NAV2: variants seen among roughly 807,000 people sequenced by gnomAD.
NAV2 encodes the protein neuron navigator 2, also known as helicase, APC down-regulated 1.
In NAV2, 54 loss-of-function variants were observed where a neutral mutation model predicts 223.2. That is an observed-to-expected ratio of 0.24 (90% confidence interval 0.19 to 0.30). The LOEUF (loss-of-function observed/expected upper bound fraction) is 0.30, where lower values mean the gene tolerates loss of function less well. NAV2 is among the 10% of genes least tolerant of loss of function. The probability of loss-of-function intolerance (pLI) is 1.00; values close to 1 mark genes in which losing one functional copy is unlikely to be tolerated. For synonymous variants in NAV2, 1,279 were observed against 1,239.3 expected, an observed-to-expected ratio of 1.03 and a Z score of -0.67; for missense variants, 2,806 against 3,147.5, an observed-to-expected ratio of 0.89 and a Z score of 2.60.
At chr11:19,422,347 C>T (rs938637823) in intron 1 of NAV2, among the ~76,000 whole-genome samples, 7 of 152,200 alleles carry the variant, frequency 4.6e-5, no homozygotes, top group African/African-American at 7.2e-5. Flanking sequence ...GGCCTTCATG[C>T]GTGATCCCAT....
At chr11:19,401,097 G>A (rs893579775) in intron 1 of NAV2, among the ~76,000 whole-genome samples, 24 of 152,154 alleles carry the variant, frequency 1.6e-4, no homozygotes, top group Non-Finnish European at 1.0e-4. Context: ...ATGGATTTAG[G>A]AAACAATCAA....
intron 11 of NAV2, among the ~76,000 whole-genome samples, chr11:20,002,173 A>G (rs2052614767): frequency 6.6e-6 from 1 of 152,210 alleles, no homozygotes; most frequent in African/African-American, 2.4e-5. Context: ...CTCTGTCTTC[A>G]TGACTAATCA....
At chr11:20,079,838 T>G (rs951597613) in intron 24 of NAV2, among the ~76,000 whole-genome samples, 14 of 152,212 alleles carry the variant, frequency 9.2e-5, no homozygotes, top group Non-Finnish European at 1.8e-4. Context: ...CCTTGACTTC[T>G]GTTTTGTAAA....
chr11:19,966,949 A>C (rs2048817814), intron 10 of NAV2, among the ~76,000 whole-genome samples: 1 of 152,216 alleles, frequency 6.6e-6, no homozygotes. Flanking sequence ...GGGTGATAGT[A>C]GGAGCAGTGC....
intron 1 of NAV2, among the ~76,000 whole-genome samples, chr11:19,646,384 C>A (rs368843629): frequency 2.6e-5 from 4 of 152,230 alleles, no homozygotes; most frequent in African/African-American, 9.7e-5. Context: ...ATATTCTTAA[C>A]TGCACATCAG....
chr11:19,398,080 C>T (rs1208234854), intron 1 of NAV2, among the ~76,000 whole-genome samples: 1 of 152,126 alleles, frequency 6.6e-6, no homozygotes, highest in Non-Finnish European at 1.5e-5. Flanking sequence ...AAAGAAATGC[C>T]TGAGACTGGG....
chr11:19,570,168 CAT>C, intron 1 of NAV2, among the ~76,000 whole-genome samples: 1 of 152,170 alleles, frequency 6.6e-6, no homozygotes, highest in Non-Finnish European at 1.5e-5. Context: ...GAATGATAGG[CAT>C]CTTGGGCTCC....
intron 15 of NAV2, 83 bp downstream of exon 15, chr11:20,049,278 G>A (rs780302087): frequency 4.8e-6 from 5 of 1,039,422 alleles, no homozygotes; most frequent in East Asian, 2.4e-5. Flanking sequence ...CCCAAATGTC[G>A]AATAGCCTTT....
At chr11:19,954,887 A>C (rs60990357) in intron 10 of NAV2, among the ~76,000 whole-genome samples, 136,900 of 150,722 alleles carry the variant, frequency 0.91, 62,269 homozygotes, top group East Asian at 0.98. Flanking sequence ...GTGTGTGTGT[A>C]TGTATGTGTA....
chr11:20,099,108 C>T (rs1326338883), intron 31 of NAV2, among the ~76,000 whole-genome samples: 2 of 152,180 alleles, frequency 1.3e-5, no homozygotes, highest in African/African-American at 4.8e-5. Flanking sequence ...TTTGTCCGAG[C>T]CTGGGCACCA....
chr11:19,407,321 G>A (rs984012589), intron 1 of NAV2, among the ~76,000 whole-genome samples: 1 of 152,162 alleles, frequency 6.6e-6, no homozygotes, highest in African/African-American at 2.4e-5. Flanking sequence ...TGCTGAGAGA[G>A]GCTGACAAGC....
intron 1 of NAV2, among the ~76,000 whole-genome samples, chr11:19,362,098 G>T (rs1590051993): frequency 6.6e-6 from 1 of 152,286 alleles, no homozygotes; most frequent in South Asian, 2.1e-4. Flanking sequence ...GCAGGTGCAG[G>T]TATACACTGT....
At chr11:19,662,552 C>T (rs1167961137) in intron 1 of NAV2, among the ~76,000 whole-genome samples, 1 of 152,258 alleles carries the variant, frequency 6.6e-6, no homozygotes. Flanking sequence ...CCCACGTGTT[C>T]TTCCATTCCT....
At chr11:19,675,028 C>T (rs908529792) in intron 1 of NAV2, among the ~76,000 whole-genome samples, 1 of 152,140 alleles carries the variant, frequency 6.6e-6, no homozygotes, top group African/African-American at 2.4e-5. Context: ...CTAATCCGTC[C>T]CCCTCAGGAC....
rs757657283 is a variant in NAV2, at chr11:20,036,030, A to ACAC, written c.2843_2845dup (p.Thr948dup). The ACAC allele has an allele frequency of 1.9e-6, 3 of 1,614,204 alleles. No individual in the cohort carries two copies. Among genetic ancestry groups the ACAC allele is most frequent in the Admixed American group, 1.7e-5 (1 of 60,024 alleles). ...GACAACCTCAGCACTGATGACATCA[A>ACAC]CACCAGCTCCTCCATCAGCTCTTAT... On this transcript the variant is annotated inframe_insertion, in exon 12 of 38. Transcript: ENST00000349880.
chr11:19,756,361 G>A (rs542838810), intron 1 of NAV2, among the ~76,000 whole-genome samples: 1 of 152,312 alleles, frequency 6.6e-6, no homozygotes, highest in African/African-American at 2.4e-5. Context: ...CATATTCTGA[G>A]GTTCCAGGAG....
intron 14 of NAV2, among the ~76,000 whole-genome samples, chr11:20,046,467 T>C (rs748910168): frequency 2.6e-5 from 4 of 152,032 alleles, no homozygotes; most frequent in African/African-American, 9.7e-5. Context: ...CAGCTGAGCT[T>C]CCTCATTATG....
chr11:19,560,482 G>A (rs1049164393), intron 1 of NAV2, among the ~76,000 whole-genome samples: 5 of 152,142 alleles, frequency 3.3e-5, no homozygotes, highest in African/African-American at 4.8e-5. Context: ...CGAGCAATGT[G>A]CCTCAGATGT....
intron 1 of NAV2, among the ~76,000 whole-genome samples, chr11:19,737,016 G>A (rs1183126690): frequency 6.6e-6 from 1 of 152,238 alleles, no homozygotes; most frequent in Admixed American, 6.5e-5. Flanking sequence ...TGCCAGCCAG[G>A]AGGGGCAGTC....
Sources: allele counts gnomAD v4.1 joint callset (sites outside exome capture counted in the v4.1 genomes callset), GRCh38; gene constraint gnomAD v4.1.1; transcripts MANE v1.5; gene names NCBI Gene and HGNC (gene_info 2026-07-23, HGNC 2026-07-21).